The following PARD3 variants were observed in gnomAD, a reference collection of about 807,000 sequenced individuals.
PARD3 encodes the protein partitioning defective 3 homolog.
A neutral mutation model predicts 155.4 loss-of-function variants in PARD3; 75 were observed. That is an observed-to-expected ratio of 0.48 (90% CI 0.40 to 0.58). PARD3 has a LOEUF of 0.58. PARD3 is among the 20% of genes least tolerant of loss of function. The pLI, the probability that PARD3 is intolerant of heterozygous loss-of-function variation, is 0.00. For missense variants in PARD3, 1,642 were observed against 1,721.7 expected (o/e 0.95, Z 0.82); for synonymous variants, 576 against 610.5 (o/e 0.94, Z 0.83).
intron 1 of PARD3, among the ~76,000 whole-genome samples, chr10:34,708,590 A>G (rs1049490820): frequency 2.0e-5 from 3 of 152,246 alleles, no homozygotes; most frequent in Non-Finnish European, 4.4e-5. Context: ...CTTTATGTTT[A>G]TAGAGATAGA....
intron 2 of PARD3, among the ~76,000 whole-genome samples, chr10:34,605,285 G>A (rs1372334425): frequency 1.4e-5 from 2 of 144,694 alleles, no homozygotes; most frequent in South Asian, 2.2e-4. Context: ...CTCCACCTCC[G>A]GGGTTCACGC....
At chr10:34,495,016 C>T (rs1423975429) in intron 3 of PARD3, among the ~76,000 whole-genome samples, 3 of 152,160 alleles carry the variant, frequency 2.0e-5, no homozygotes, top group African/African-American at 7.2e-5. Context: ...ATGACTGTGA[C>T]CAATTTCCAG....
chr10:34,630,452 T>C (rs1365136394), intron 2 of PARD3, among the ~76,000 whole-genome samples: 2 of 151,082 alleles, frequency 1.3e-5, no homozygotes, highest in South Asian at 4.2e-4. Context: ...TCTTTTTTTT[T>C]TTTTTTTTCT....
chr10:34,394,133 C>T (rs1364824705), intron 7 of PARD3, among the ~76,000 whole-genome samples: 1 of 152,054 alleles, frequency 6.6e-6, no homozygotes, highest in Non-Finnish European at 1.5e-5. Context: ...CCGCGCCTGG[C>T]CTATGCCTCA....
intron 2 of PARD3, among the ~76,000 whole-genome samples, chr10:34,636,124 A>C (rs189284003): frequency 2.2e-4 from 34 of 152,278 alleles, no homozygotes; most frequent in Admixed American, 1.5e-3. Flanking sequence ...GAAGAAGAAG[A>C]AGCCAAAACT....
intron 20 of PARD3, chr10:34,312,248 A>G: frequency 6.3e-7 from 1 of 1,583,046 alleles, no homozygotes; most frequent in East Asian, 2.2e-5. Context: ...AAATTCGTCA[A>G]CAGCCACTAA....
At chr10:34,734,367 G>C (rs909693244) in intron 1 of PARD3, among the ~76,000 whole-genome samples, 1 of 108,400 alleles carries the variant, frequency 9.2e-6, no homozygotes, top group African/African-American at 3.6e-5. Context: ...ACAGAGTCTC[G>C]CTCTGTCGCC....
chr10:34,525,196 GA>G (rs1232247992), intron 2 of PARD3, among the ~76,000 whole-genome samples: 1 of 152,240 alleles, frequency 6.6e-6, no homozygotes, highest in Admixed American at 6.5e-5. Context: ...TACAGAACAA[GA>G]ATCTTAAGCT....
chr10:34,183,419 A>C (rs1021640855), intron 22 of PARD3, among the ~76,000 whole-genome samples: 1 of 152,206 alleles, frequency 6.6e-6, no homozygotes, highest in Non-Finnish European at 1.5e-5. Context: ...TTTTCGTTTA[A>C]TAAAAGCAAC....
At chr10:34,688,416 T>TACACAA (rs1268435175) in intron 2 of PARD3, among the ~76,000 whole-genome samples, 3 of 152,216 alleles carry the variant, frequency 2.0e-5, no homozygotes, top group Non-Finnish European at 2.9e-5. Flanking sequence ...AAAGTTCACG[T>TACACAA]ACACAAACGC....
chr10:34,339,151 C>A (rs1012449270), intron 16 of PARD3, among the ~76,000 whole-genome samples: 4 of 152,248 alleles, frequency 2.6e-5, no homozygotes, highest in Non-Finnish European at 4.4e-5. Context: ...TCCAATAATT[C>A]TTTTATATAT....
At chr10:34,128,229 G>C (rs138923983) in intron 23 of PARD3, among the ~76,000 whole-genome samples, 117 of 152,216 alleles carry the variant, frequency 7.7e-4, no homozygotes, top group Admixed American at 4.4e-3. Context: ...TGAACTTTGA[G>C]GGTCCACTGA....
chr10:34,735,691 A>G (rs1228929340), intron 1 of PARD3, among the ~76,000 whole-genome samples: 7 of 152,238 alleles, frequency 4.6e-5, no homozygotes, highest in African/African-American at 1.4e-4. Context: ...AAAGATTCTC[A>G]TCAGGCCCTT....
At chr10:34,597,551 C>A (rs971826421) in intron 2 of PARD3, among the ~76,000 whole-genome samples, 4 of 152,182 alleles carry the variant, frequency 2.6e-5, no homozygotes, top group African/African-American at 9.6e-5. Flanking sequence ...ATCTCAGCCT[C>A]CCAAGTAGCT....
chr10:34,793,722 G>A (rs1261516622), intron 1 of PARD3, among the ~76,000 whole-genome samples: 9 of 151,820 alleles, frequency 5.9e-5, no homozygotes, highest in African/African-American at 2.2e-4. Context: ...GGAGGCGGAG[G>A]TTGCAGTGAG....
intron 1 of PARD3, among the ~76,000 whole-genome samples, chr10:34,785,392 G>A (rs1207534223): frequency 6.6e-6 from 1 of 151,882 alleles, no homozygotes; most frequent in African/African-American, 2.4e-5. Context: ...TTATACTCTT[G>A]AAGTACAGAA....
chr10:34,136,129 C>T (rs1286188073), intron 22 of PARD3, among the ~76,000 whole-genome samples: 3 of 152,246 alleles, frequency 2.0e-5, no homozygotes, highest in African/African-American at 7.2e-5. Flanking sequence ...TTATCTGTCG[C>T]TTCTCCAGGC....
intron 1 of PARD3, among the ~76,000 whole-genome samples, chr10:34,703,771 G>A (rs148454087): frequency 1.3e-5 from 2 of 152,258 alleles, no homozygotes; most frequent in Non-Finnish European, 2.9e-5. Context: ...GCCACAGTGA[G>A]GGAAAAGGAG....
At chr10:34,628,375 G>A (rs1341499980) in intron 2 of PARD3, among the ~76,000 whole-genome samples, 3 of 152,252 alleles carry the variant, frequency 2.0e-5, no homozygotes, top group Non-Finnish European at 4.4e-5. Context: ...CGTCCATTCA[G>A]TCAACATTTA....
Sources: gnomAD v4.1 joint callset for allele counts (sites outside exome capture counted in the v4.1 genomes callset) on GRCh38, gnomAD v4.1.1 for gene constraint, MANE v1.5 for transcripts, NCBI Gene and HGNC (gene_info 2026-07-23, HGNC 2026-07-21) for gene names.